Variants in CDH8 observed in about 807,000 individuals in gnomAD.
CDH8 encodes cadherin-8.
CDH8 carries 17 observed loss-of-function variants against 68.1 expected under a neutral mutation model. The observed-to-expected ratio is 0.25, with a 90% confidence interval of 0.17 to 0.37. CDH8 has a LOEUF of 0.37. CDH8 is among the 10% of genes least tolerant of loss of function. CDH8 has a pLI of 1.00. For synonymous variants in CDH8, 372 were observed against 365.1 expected (o/e 1.02, Z -0.21); for missense variants, 763 against 999.3 (o/e 0.76, Z 3.19).
intron 10 of CDH8, among the ~76,000 whole-genome samples, chr16:61,679,731 C>T (rs891489125): frequency 1.3e-5 from 2 of 151,964 alleles, no homozygotes; most frequent in East Asian, 1.9e-4. Flanking sequence ...AAATCAATCA[C>T]AAATCATTGG....
intron 1 of CDH8, among the ~76,000 whole-genome samples, chr16:62,032,384 A>C (rs1311582454): frequency 6.6e-6 from 1 of 152,128 alleles, no homozygotes; most frequent in Non-Finnish European, 1.5e-5. Flanking sequence ...GAGCAACAAG[A>C]ATTATCATTG....
chr16:61,771,194 C>A (rs1016104265), intron 8 of CDH8, among the ~76,000 whole-genome samples: 1 of 151,766 alleles, frequency 6.6e-6, no homozygotes, highest in Admixed American at 6.6e-5. Flanking sequence ...CCTGAGAAGT[C>A]ACCTGACACA....
intron 2 of CDH8, among the ~76,000 whole-genome samples, chr16:61,988,217 T>A (rs1965659537): frequency 7.3e-6 from 1 of 136,832 alleles, no homozygotes; most frequent in Non-Finnish European, 1.7e-5. Context: ...TTTTAAAAAA[T>A]AACAAAACAC....
intron 2 of CDH8, among the ~76,000 whole-genome samples, chr16:61,958,142 A>G (rs547743818): frequency 1.8e-4 from 27 of 152,316 alleles, no homozygotes; most frequent in African/African-American, 6.5e-4. Flanking sequence ...GTGGATGATT[A>G]GCAATCAAGA....
At chr16:61,835,740 TA>T (rs1361122821) in intron 4 of CDH8, among the ~76,000 whole-genome samples, 7 of 151,944 alleles carry the variant, frequency 4.6e-5, no homozygotes, top group African/African-American at 1.7e-4. Flanking sequence ...ACAATTCCAA[TA>T]ACTAATTACA....
At chr16:61,946,927 A>G (rs1429318045) in intron 2 of CDH8, among the ~76,000 whole-genome samples, 1 of 152,226 alleles carries the variant, frequency 6.6e-6, no homozygotes, top group East Asian at 1.9e-4. Flanking sequence ...TATAGAGCAG[A>G]AGAGAAATGA....
intron 2 of CDH8, among the ~76,000 whole-genome samples, chr16:61,962,858 G>GT (rs138092004): frequency 0.018 from 2,706 of 151,584 alleles, 97 homozygotes; most frequent in African/African-American, 0.061. Context: ...TAACACTTCT[G>GT]TTTTTTTTCT....
chr16:61,708,362 C>T (rs1182134016), intron 10 of CDH8, among the ~76,000 whole-genome samples: 1 of 152,086 alleles, frequency 6.6e-6, no homozygotes, highest in Admixed American at 6.6e-5. Flanking sequence ...AATTGTTTTC[C>T]ATAACATACA....
rs975165657 is a variant in CDH8 at position 61,873,528 on chromosome 16, T to C, written c.548-16290A>G. Among the ~76,000 whole-genome samples the C allele has an allele frequency of 6.6e-5, 10 of 152,352 alleles. 1 individual carries two copies. In the South Asian group the frequency reaches 1.4e-3, roughly 22 times the overall value. On this transcript the variant is annotated intron_variant, in intron 3 of 11. Transcript: ENST00000577390. ...TAGTTATGTGGAACAGAGTAAGCTC[T>C]CAAATACGTTTACTATACAGACAGT...
intron 10 of CDH8, among the ~76,000 whole-genome samples, chr16:61,710,495 T>G (rs1432671596): frequency 6.6e-6 from 1 of 152,034 alleles, no homozygotes; most frequent in Non-Finnish European, 1.5e-5. Flanking sequence ...AATATTTCAG[T>G]CAATGAGGAG....
intron 8 of CDH8, among the ~76,000 whole-genome samples, chr16:61,732,877 G>T (rs775785508): frequency 6.6e-6 from 1 of 151,720 alleles, no homozygotes; most frequent in Non-Finnish European, 1.5e-5. Flanking sequence ...TAGCAAAAAG[G>T]AGGTGAGTGG....
intron 2 of CDH8, among the ~76,000 whole-genome samples, chr16:61,951,797 G>A (rs931805097): frequency 6.6e-6 from 1 of 152,060 alleles, no homozygotes; most frequent in African/African-American, 2.4e-5. Flanking sequence ...TTATTGAAAG[G>A]GTTATGATTT....
At position 61,684,654 on chromosome 16, in the gene CDH8, ATT is replaced by A. The variant is rs1396108419; in HGVS notation, c.1655-28935_1655-28934del. Reference sequence around the variant, plus strand: ...TTGTTGACTGCTTGCATTCAGAATCATTTTTTGGCCGTCCAGTGCTCTGCGCT... The same window carrying A: ...TTGTTGACTGCTTGCATTCAGAATCATTTTGGCCGTCCAGTGCTCTGCGCT... On this transcript the variant is annotated intron_variant, in intron 10 of 11. Transcript: ENST00000577390. Among the ~76,000 whole-genome samples the A allele has an allele frequency of 2.6e-5, 4 of 151,848 alleles. No homozygotes were observed. In the South Asian group the frequency reaches 8.3e-4, roughly 31 times the overall value.
intron 3 of CDH8, among the ~76,000 whole-genome samples, chr16:61,883,957 GGT>G (rs2143147963): frequency 1.9e-5 from 2 of 106,406 alleles, no homozygotes; most frequent in South Asian, 5.5e-4. Flanking sequence ...AACAGTAGAA[GGT>G]TTTTTTTTAA....
intron 6 of CDH8, among the ~76,000 whole-genome samples, chr16:61,820,170 A>G (rs1461390455): frequency 3.3e-5 from 5 of 151,992 alleles, no homozygotes; most frequent in African/African-American, 1.2e-4. Flanking sequence ...CCTATCCAGA[A>G]GCAAGGGAAC....
At chr16:61,788,614 G>T (rs1372204124) in intron 8 of CDH8, among the ~76,000 whole-genome samples, 1 of 151,810 alleles carries the variant, frequency 6.6e-6, no homozygotes, top group African/African-American at 2.4e-5. Context: ...AAGACAGTTT[G>T]GCACCAAATT....
At chr16:61,980,746 T>C (rs1031343204) in intron 2 of CDH8, among the ~76,000 whole-genome samples, 1 of 152,216 alleles carries the variant, frequency 6.6e-6, no homozygotes, top group Non-Finnish European at 1.5e-5. Context: ...CCAGAAAAGT[T>C]TGCCAACTTC....
At chr16:61,933,258 G>C (rs1964574201) in intron 2 of CDH8, among the ~76,000 whole-genome samples, 2 of 152,294 alleles carry the variant, frequency 1.3e-5, no homozygotes, top group South Asian at 4.1e-4. Flanking sequence ...AGAAATTAGA[G>C]TAAGTCCAGT....
intron 7 of CDH8, among the ~76,000 whole-genome samples, chr16:61,817,276 T>TGTA (rs1962096182): frequency 6.6e-6 from 1 of 151,822 alleles, no homozygotes; most frequent in Non-Finnish European, 1.5e-5. Context: ...CTGGGCTCTA[T>TGTA]GTAGCACTTA....
Sources: gnomAD v4.1 joint callset for allele counts (sites outside exome capture counted in the v4.1 genomes callset) on GRCh38, gnomAD v4.1.1 for gene constraint, MANE v1.5 for transcripts, NCBI Gene and HGNC (gene_info 2026-07-23, HGNC 2026-07-21) for gene names.